The following CNTN5 variants were observed in gnomAD, a reference collection of about 807,000 sequenced individuals.
CNTN5 encodes the protein contactin 5, also known as contactin-5.
A neutral mutation model predicts 129.1 loss-of-function variants in CNTN5; 77 were observed. The ratio of observed to expected loss-of-function variants is 0.60; its 90% CI spans 0.50 to 0.72. The LOEUF (loss-of-function observed/expected upper bound fraction) is 0.72, where lower values mean the gene tolerates loss of function less well. CNTN5 is among the 30% of genes least tolerant of loss of function. The pLI, the probability that CNTN5 is intolerant of heterozygous loss-of-function variation, is 0.00. For missense variants in CNTN5, 1,478 were observed against 1,328.8 expected (o/e 1.11, Z -1.75); for synonymous variants, 509 against 465.6 (o/e 1.09, Z -1.20).
chr11:100,082,851 C>G (rs189221643), intron 13 of CNTN5, among the ~76,000 whole-genome samples: 6 of 152,172 alleles, frequency 3.9e-5, no homozygotes, highest in Admixed American at 2.0e-4. Context: ...GAGGAAATAC[C>G]TGAGGCATGG....
intron 7 of CNTN5, among the ~76,000 whole-genome samples, chr11:99,928,940 A>G (rs983138941): frequency 6.6e-6 from 1 of 152,180 alleles, no homozygotes; most frequent in Non-Finnish European, 1.5e-5. Flanking sequence ...ATCTTTATGA[A>G]TGCATAAAAC....
At chr11:99,789,552 A>G (rs1460872823) in intron 3 of CNTN5, among the ~76,000 whole-genome samples, 3 of 152,054 alleles carry the variant, frequency 2.0e-5, no homozygotes, top group Non-Finnish European at 4.4e-5. Context: ...AATAATTATC[A>G]CTTAGCTTCC....
At chr11:99,201,346 TTTCCTTTCCTTCCTTCCTTCC>T (rs1859180296) in intron 1 of CNTN5, among the ~76,000 whole-genome samples, 1 of 113,228 alleles carries the variant, frequency 8.8e-6, no homozygotes, top group Non-Finnish European at 1.8e-5. Context: ...CCTTCCTTCC[TTTCCTTTCCTTCCTTCCTTCC>T]TTCCTTCCTT....
intron 1 of CNTN5, among the ~76,000 whole-genome samples, chr11:99,283,546 C>A (rs1438436599): frequency 6.6e-6 from 1 of 151,940 alleles, no homozygotes; most frequent in African/African-American, 2.4e-5. Context: ...TTTTGTCAAG[C>A]CTAAATTAAA....
chr11:99,036,930 A>G (rs1420357090), intron 1 of CNTN5, among the ~76,000 whole-genome samples: 1 of 152,202 alleles, frequency 6.6e-6, no homozygotes, highest in Non-Finnish European at 1.5e-5. Context: ...AACAGAAACA[A>G]ACCCATAGCA....
intron 3 of CNTN5, among the ~76,000 whole-genome samples, chr11:99,759,725 G>C (rs1335859220): frequency 1.3e-5 from 2 of 151,078 alleles, no homozygotes; most frequent in East Asian, 3.9e-4. Context: ...GAGAAGGAGA[G>C]GGAAAGAGAG....
At position 100,350,991 on chromosome 11, in the gene CNTN5, C is replaced by A. The variant is rs75704710; in HGVS notation, c.3199+121C>A. 6,750 of 684,768 alleles carry A rather than the reference C, an allele frequency of 9.9e-3. 54 individuals are homozygous for A. Among genetic ancestry groups the A allele is most frequent in the Non-Finnish European group, 0.012 (5,189 of 423,684 alleles). The allele number at this position is 684,768 out of a possible 1,614,324, so 42.4% of individuals were successfully genotyped here. On this transcript the variant is annotated intron_variant, in intron 24 of 24. Coordinates refer to ENST00000524871, the MANE Select transcript of CNTN5 (RefSeq NM_014361.4). ...AGAGATTTTGAGGGATTTCTCCTCT[C>A]TGATTTTTATATTATCTTCTGATTA...
At chr11:99,862,087 T>C (rs1948223993) in intron 6 of CNTN5, among the ~76,000 whole-genome samples, 2 of 152,056 alleles carry the variant, frequency 1.3e-5, no homozygotes, top group African/African-American at 4.8e-5. Flanking sequence ...CTATAGTAAA[T>C]ATGGATAAGA....
intron 13 of CNTN5, 135 bp downstream of exon 13, chr11:100,074,429 C>T: frequency 1.3e-6 from 1 of 772,366 alleles, no homozygotes; most frequent in Admixed American, 3.4e-5. Context: ...CATGGTTTTG[C>T]CTATATAGTG....
chr11:99,081,855 G>A (rs1865814095), intron 1 of CNTN5, among the ~76,000 whole-genome samples: 1 of 152,106 alleles, frequency 6.6e-6, no homozygotes, highest in Admixed American at 6.5e-5. Flanking sequence ...TTAATATAAT[G>A]CTTGAGACTA....
chr11:99,986,334 G>GA (rs11439927), intron 8 of CNTN5, among the ~76,000 whole-genome samples: 4,364 of 152,058 alleles, frequency 0.029, 193 homozygotes, highest in East Asian at 0.2. Context: ...AGTATAGATA[G>GA]AAAAAAATAC....
intron 1 of CNTN5, among the ~76,000 whole-genome samples, chr11:99,072,185 T>C (rs1320267457): frequency 2.0e-5 from 3 of 151,990 alleles, no homozygotes; most frequent in African/African-American, 7.2e-5. Flanking sequence ...GAACTTTTCT[T>C]TGGTGATGAA....
At chr11:99,182,846 A>G (rs1858146078) in intron 1 of CNTN5, among the ~76,000 whole-genome samples, 1 of 152,184 alleles carries the variant, frequency 6.6e-6, no homozygotes, top group Non-Finnish European at 1.5e-5. Context: ...GTTGAGCTTC[A>G]CTGTGTAATG....
At chr11:99,116,699 A>G (rs1289023717) in intron 1 of CNTN5, among the ~76,000 whole-genome samples, 1 of 152,240 alleles carries the variant, frequency 6.6e-6, no homozygotes, top group Non-Finnish European at 1.5e-5. Flanking sequence ...TATCTCATCA[A>G]TGTATAAAAA....
At chr11:99,406,843 A>G (rs1475683987) in intron 2 of CNTN5, among the ~76,000 whole-genome samples, 1 of 152,070 alleles carries the variant, frequency 6.6e-6, no homozygotes, top group Non-Finnish European at 1.5e-5. Context: ...GCCACATCAG[A>G]CTCATCGGGA....
chr11:99,906,133 C>G (rs1272704725), intron 6 of CNTN5, among the ~76,000 whole-genome samples: 2 of 152,110 alleles, frequency 1.3e-5, no homozygotes, highest in Non-Finnish European at 2.9e-5. Flanking sequence ...TTATTTCTTC[C>G]TCATGCCTGA....
At chr11:100,301,025 C>T (rs1951206993) in intron 20 of CNTN5, among the ~76,000 whole-genome samples, 1 of 151,540 alleles carries the variant, frequency 6.6e-6, no homozygotes, top group African/African-American at 2.4e-5. Flanking sequence ...GGATTTTAAC[C>T]AGGTCTATAT....
At chr11:99,942,146 T>G (rs1264570348) in intron 7 of CNTN5, among the ~76,000 whole-genome samples, 2 of 152,104 alleles carry the variant, frequency 1.3e-5, no homozygotes, top group East Asian at 3.9e-4. Flanking sequence ...TCAAAATTTC[T>G]AAAATTAAAT....
chr11:99,883,337 T>G (rs977990991), intron 6 of CNTN5, among the ~76,000 whole-genome samples: 7 of 152,152 alleles, frequency 4.6e-5, no homozygotes, highest in Admixed American at 4.6e-4. Flanking sequence ...CCACCAACAG[T>G]GTATGAGGGT....
Sources: allele counts gnomAD v4.1 joint callset (sites outside exome capture counted in the v4.1 genomes callset), GRCh38; gene constraint gnomAD v4.1.1; transcripts MANE v1.5; gene names NCBI Gene and HGNC (gene_info 2026-07-23, HGNC 2026-07-21).